PSME4: variants seen among roughly 807,000 people sequenced by gnomAD.
PSME4 encodes proteasome activator complex subunit 4.
In PSME4, 89 loss-of-function variants were observed where a neutral mutation model predicts 253.9. The ratio of observed to expected loss-of-function variants is 0.35; its 90% CI spans 0.30 to 0.42. PSME4 has a LOEUF of 0.42. Among genes scored for constraint, PSME4 ranks in the 10% least tolerant of loss-of-function variants. The pLI is 1.00. For synonymous variants in PSME4, 851 were observed against 759.2 expected (o/e 1.12, Z -1.99); for missense variants, 2,014 against 2,195.2 (o/e 0.92, Z 1.65).
intron 3 of PSME4, among the ~76,000 whole-genome samples, chr2:53,941,355 G>C (rs1669445294): frequency 6.6e-6 from 1 of 150,706 alleles, no homozygotes; most frequent in African/African-American, 2.4e-5. Context: ...CTCTGATCAT[G>C]AGAGGGAGGT....
intron 6 of PSME4, 95 bp from the exon 7 acceptor site, chr2:53,936,256 C>A (rs1669111325): frequency 1.3e-6 from 2 of 1,542,370 alleles, no homozygotes; most frequent in South Asian, 2.5e-5. Context: ...TTTTGGCAAT[C>A]ATTAGTGCAA....
intron 1 of PSME4, among the ~76,000 whole-genome samples, chr2:53,966,731 T>C (rs1191184467): frequency 6.6e-6 from 1 of 152,264 alleles, no homozygotes; most frequent in East Asian, 1.9e-4. Context: ...GTTTTTAAGA[T>C]GGAGTCTCGC....
intron 1 of PSME4, among the ~76,000 whole-genome samples, chr2:53,960,249 A>C (rs1278569929): frequency 6.6e-6 from 1 of 151,620 alleles, no homozygotes; most frequent in African/African-American, 2.4e-5. Context: ...AAATACAAAA[A>C]TCAGCCAGGC....
intron 28 of PSME4, among the ~76,000 whole-genome samples, chr2:53,901,020 T>C (rs1680374964): frequency 1.3e-5 from 2 of 152,194 alleles, no homozygotes; most frequent in South Asian, 4.1e-4. Flanking sequence ...CGACTTTGGC[T>C]AGCATGGTAA....
chr2:53,926,455 C>T (rs1049056184), intron 12 of PSME4, among the ~76,000 whole-genome samples: 9 of 152,188 alleles, frequency 5.9e-5, no homozygotes, highest in Non-Finnish European at 8.8e-5. Flanking sequence ...AAGCGAATCA[C>T]TTGAGGTCAA....
chr2:53,872,642 T>C (rs1375847758), intron 43 of PSME4, among the ~76,000 whole-genome samples: 1 of 144,430 alleles, frequency 6.9e-6, no homozygotes, highest in Non-Finnish European at 1.5e-5. Flanking sequence ...CTCAGGAGGC[T>C]GAGGTGGGAG....
intron 31 of PSME4, 24 bp from the exon 32 acceptor site, chr2:53,896,909 T>G (rs1243751053): frequency 6.4e-7 from 1 of 1,561,282 alleles, no homozygotes; most frequent in Admixed American, 1.7e-5. Flanking sequence ...AAGGTACACA[T>G]TCATAAAAAA....
intron 26 of PSME4, among the ~76,000 whole-genome samples, chr2:53,904,366 A>T (rs1296042505): frequency 6.6e-6 from 1 of 152,260 alleles, no homozygotes; most frequent in Non-Finnish European, 1.5e-5. Context: ...TCCATGGTTT[A>T]GGTTACACTG....
At chr2:53,869,652 T>G (rs1214767370) in intron 43 of PSME4, 114 bp from the exon 44 acceptor site, 2 of 784,612 alleles carry the variant, frequency 2.5e-6, no homozygotes, top group Non-Finnish European at 3.8e-6. Flanking sequence ...TGCATGCAAA[T>G]TTTGTGTATG....
At chr2:53,951,902 A>C (rs908087675) in intron 1 of PSME4, among the ~76,000 whole-genome samples, 1 of 152,192 alleles carries the variant, frequency 6.6e-6, no homozygotes, top group African/African-American at 2.4e-5. Flanking sequence ...TAGTGAAGAC[A>C]AAAGATCCTA....
intron 3 of PSME4, 147 bp from the exon 4 acceptor site, chr2:53,940,147 G>C: frequency 1.8e-6 from 1 of 561,696 alleles, no homozygotes; most frequent in Non-Finnish European, 2.9e-6. Context: ...CATACAAACG[G>C]AACTGCAAGG....
intron 37 of PSME4, among the ~76,000 whole-genome samples, chr2:53,889,724 T>C (rs1679817031): frequency 6.6e-6 from 1 of 152,212 alleles, no homozygotes; most frequent in African/African-American, 2.4e-5. Flanking sequence ...ACCTATAACT[T>C]TGTATTATGT....
At chr2:53,867,752 C>A (rs1678641984) in intron 44 of PSME4, among the ~76,000 whole-genome samples, 1 of 149,542 alleles carries the variant, frequency 6.7e-6, no homozygotes, top group South Asian at 2.1e-4. Context: ...TAGGCCAGTA[C>A]AATCCCTGAT....
At chr2:53,948,311 T>C (rs1669820124) in intron 3 of PSME4, 110 bp downstream of exon 3, 4 of 736,886 alleles carry the variant, frequency 5.4e-6, no homozygotes, top group South Asian at 1.6e-5. Flanking sequence ...AATAGGCACA[T>C]TAAAATATCT....
chr2:53,931,323 T>C (rs952728964), intron 10 of PSME4, among the ~76,000 whole-genome samples: 9 of 152,170 alleles, frequency 5.9e-5, no homozygotes, highest in Non-Finnish European at 1.2e-4. Context: ...CCACGCCTAT[T>C]CTGTGACAGT....
chr2:53,888,590 T>G (rs538400400), intron 38 of PSME4, 131 bp downstream of exon 38: 37 of 590,034 alleles, frequency 6.3e-5, no homozygotes, highest in Non-Finnish European at 9.3e-5. Context: ...TGGAACCAGA[T>G]CACATCACCT....
At chr2:53,869,751 G>A in intron 43 of PSME4, 2 of 365,110 alleles carry the variant, frequency 5.5e-6, no homozygotes, top group East Asian at 4.0e-5. Context: ...AGGGTTATGA[G>A]CATAAACTTT....
At chr2:53,966,473 C>A (rs1670741385) in intron 1 of PSME4, among the ~76,000 whole-genome samples, 4 of 151,772 alleles carry the variant, frequency 2.6e-5, no homozygotes, top group Admixed American at 6.6e-5. Context: ...ACTGGCCTGG[C>A]CAACATGGGG....
Position 53,919,236 on chromosome 2 carries a change from G to T in PSME4, c.2431C>A (p.Leu811Ile). 6.4e-7 allele frequency: 1 copy of T among 1,571,886 alleles called. No homozygotes were observed. The highest frequency in any genetic ancestry group is 8.6e-7 in the Non-Finnish European group (1 of 1,164,780). Reference sequence around the variant, plus strand: ...TTGTGCACTATAGTCAGACTCTGTAGAATATCATCTCTAGAAAAAAAAAAA... The same window carrying T: ...TTGTGCACTATAGTCAGACTCTGTATAATATCATCTCTAGAAAAAAAAAAA... ...GKLEMSRDDI[L>I]QSLTIVHNCL... Residue 811 changes from leucine to isoleucine, a missense_variant, in exon 20 of 47, where the codon CTA becomes ATA. By Grantham distance (5) the Leu-to-Ile change is conservative. Coordinates refer to ENST00000404125, the MANE Select transcript of PSME4 (RefSeq NM_014614.3).
Sources: allele counts gnomAD v4.1 joint callset (sites outside exome capture counted in the v4.1 genomes callset), GRCh38; gene constraint gnomAD v4.1.1; transcripts MANE v1.5; gene names NCBI Gene and HGNC (gene_info 2026-07-23, HGNC 2026-07-21).